AMPH: variants seen among roughly 807,000 people sequenced by gnomAD.
AMPH encodes amphiphysin (Stiff-Mann syndrome with breast cancer 128kD autoantigen).
In AMPH, 49 loss-of-function variants were observed where a neutral mutation model predicts 99.1. The ratio of observed to expected loss-of-function variants is 0.49; its 90% CI spans 0.39 to 0.63. The LOEUF is 0.63. Among genes scored for constraint, AMPH ranks in the 20% least tolerant of loss-of-function variants. The pLI is 0.00. For missense variants in AMPH, 759 were observed against 863.4 expected (o/e 0.88, Z 1.52); for synonymous variants, 314 against 317.3 (o/e 0.99, Z 0.11).
chr7:38,572,200 T>C (rs1006202619), intron 1 of AMPH, among the ~76,000 whole-genome samples: 1 of 152,170 alleles, frequency 6.6e-6, no homozygotes, highest in Non-Finnish European at 1.5e-5. Flanking sequence ...CCACCACACC[T>C]GGCCAGGTGT....
At chr7:38,516,791 G>A (rs1167855192) in intron 2 of AMPH, among the ~76,000 whole-genome samples, 2 of 152,322 alleles carry the variant, frequency 1.3e-5, no homozygotes, top group African/African-American at 4.8e-5. Context: ...GCCCTGCAGA[G>A]CCACAGAGGC....
intron 6 of AMPH, among the ~76,000 whole-genome samples, chr7:38,476,374 GTA>G (rs1663212621): frequency 6.6e-6 from 1 of 152,228 alleles, no homozygotes; most frequent in Non-Finnish European, 1.5e-5. Flanking sequence ...GAAGAAGAGG[GTA>G]TAGTTAGGAG....
chr7:38,441,354 A>G lies in AMPH; in HGVS notation c.1018-4966T>C, dbSNP rs138209880. Among the ~76,000 whole-genome samples the G allele has an allele frequency of 4.3e-3, 651 of 152,306 alleles. 4 individuals carry two copies. Among genetic ancestry groups the G allele is most frequent in the Middle Eastern group, 0.02 (6 of 294 alleles). The stretch of plus-strand genomic sequence containing the variant: ...AAATAAGCAATGGTATAAAAGATTT[A>G]GATAACACTGTGACTAAATTTGACC... On this transcript the variant is annotated intron_variant, in intron 11 of 20. Transcript: ENST00000356264.
chr7:38,429,203 C>A, intron 14 of AMPH: 1 of 1,289,326 alleles, frequency 7.8e-7, no homozygotes, highest in Non-Finnish European at 1.0e-6. Context: ...GTGGGTCATA[C>A]AGCTGCTCCA....
intron 20 of AMPH, among the ~76,000 whole-genome samples, chr7:38,389,525 C>T (rs1247106087): frequency 1.3e-5 from 2 of 152,142 alleles, no homozygotes; most frequent in Non-Finnish European, 2.9e-5. Context: ...GTCTGCATTT[C>T]CTGAAGACAG....
rs188993939 is a variant in AMPH, at chr7:38,417,741, A to C, written c.1398+84T>G. On this transcript the variant is annotated intron_variant, in intron 17 of 20. Transcript: ENST00000356264. ...AGCATGTTTGGCCCAAGTGAGGCAA[A>C]GATGAGAGCGATGCATATGGTCATG... is the stretch of plus-strand genomic sequence containing the variant. The C allele has an allele frequency of 7.9e-5, 122 of 1,536,062 alleles. 1 individual carries two copies. In the East Asian group the frequency reaches 2.3e-3, roughly 28 times the overall value.
chr7:38,565,424 G>A (rs1049431159), intron 1 of AMPH, among the ~76,000 whole-genome samples: 1 of 152,122 alleles, frequency 6.6e-6, no homozygotes, highest in African/African-American at 2.4e-5. Context: ...TGTTTCCTCA[G>A]GATGGTTTCT....
intron 17 of AMPH, among the ~76,000 whole-genome samples, chr7:38,404,813 G>C (rs1271682433): frequency 6.6e-6 from 1 of 152,120 alleles, no homozygotes; most frequent in Non-Finnish European, 1.5e-5. Context: ...AAGTTTTCCT[G>C]ATCTTGATAG....
chr7:38,591,095 C>T (rs899338888), intron 1 of AMPH, among the ~76,000 whole-genome samples: 5 of 151,974 alleles, frequency 3.3e-5, no homozygotes, highest in African/African-American at 9.7e-5. Context: ...CAGGAGAATG[C>T]GGTAAATATC....
At chr7:38,475,456 C>A (rs1284633924) in intron 6 of AMPH, 40 bp from the exon 7 acceptor site, 1 of 1,341,584 alleles carries the variant, frequency 7.5e-7, no homozygotes, top group East Asian at 2.3e-5. Context: ...CTAAGAAAGA[C>A]CATTTCTATA....
intron 1 of AMPH, among the ~76,000 whole-genome samples, chr7:38,586,206 A>T (rs1792639768): frequency 6.6e-6 from 1 of 152,130 alleles, no homozygotes; most frequent in Non-Finnish European, 1.5e-5. Flanking sequence ...TCCAACGAAC[A>T]CGTAAGTAAA....
chr7:38,397,363 A>G lies in AMPH; in HGVS notation c.1399-3149T>C, dbSNP rs1784700463. 2.6e-5 allele frequency among the ~76,000 whole-genome samples: 4 copies of G among 152,122 alleles called. No individual in the cohort carries two copies. In the South Asian group the frequency reaches 8.3e-4, roughly 31 times the overall value. The stretch of plus-strand genomic sequence containing the variant: ...CATACGAACATAATGTTTATTATTA[A>G]CCTGTAACTTGTCTCTAGATATCTA... On this transcript the variant is annotated intron_variant, in intron 17 of 20. Transcript: ENST00000356264.
At chr7:38,386,997 G>A (rs1215980073) in intron 20 of AMPH, among the ~76,000 whole-genome samples, 2 of 152,156 alleles carry the variant, frequency 1.3e-5, no homozygotes, top group Non-Finnish European at 2.9e-5. Context: ...TGGGGGATGG[G>A]TATCCTAACG....
chr7:38,608,552 A>C (rs2129064355), intron 1 of AMPH, among the ~76,000 whole-genome samples: 1 of 151,618 alleles, frequency 6.6e-6, no homozygotes. Flanking sequence ...CTCCCTGAAA[A>C]CCCTCAGACT....
chr7:38,491,853 A>G (rs1025839515), intron 4 of AMPH, among the ~76,000 whole-genome samples: 1 of 152,234 alleles, frequency 6.6e-6, no homozygotes, highest in Non-Finnish European at 1.5e-5. Context: ...ACTCAAAGCC[A>G]TGATATGAAA....
chr7:38,484,116 A>C (rs1264340984), intron 5 of AMPH, among the ~76,000 whole-genome samples: 1 of 152,118 alleles, frequency 6.6e-6, no homozygotes, highest in East Asian at 1.9e-4. Flanking sequence ...AGTTTAAGGG[A>C]TTTATGGGAC....
At chr7:38,599,693 T>C (rs1473903070) in intron 1 of AMPH, among the ~76,000 whole-genome samples, 1 of 152,170 alleles carries the variant, frequency 6.6e-6, no homozygotes, top group Admixed American at 6.5e-5. Flanking sequence ...TCTACATAAA[T>C]TGCTATGTTC....
Position 38,384,106 on chromosome 7 carries a change from T to A in AMPH, c.*712A>T, listed in dbSNP as rs1014320799. 6.6e-6 allele frequency: 1 copy of A among 152,366 alleles called. No individual in the cohort carries two copies. The highest frequency in any genetic ancestry group is 1.5e-5 in the Non-Finnish European group (1 of 68,124). The allele number at this position is 152,366 out of a possible 1,614,324, so 9.4% of individuals were successfully genotyped here. On this transcript the variant is annotated 3_prime_UTR_variant, in exon 21 of 21. Coordinates refer to ENST00000356264, the MANE Select transcript of AMPH (RefSeq NM_001635.4). ...CAGTACAAACACAGATACTGTTGAC[T>A]CTTTTGCCAATGGGATGGCTGGTTT...
chr7:38,414,165 T>C (rs1488194412), intron 17 of AMPH, among the ~76,000 whole-genome samples: 1 of 152,252 alleles, frequency 6.6e-6, no homozygotes, highest in African/African-American at 2.4e-5. Context: ...AAGATGAAGT[T>C]GATAGACTAT....
Sources: allele counts gnomAD v4.1 joint callset (sites outside exome capture counted in the v4.1 genomes callset), GRCh38; gene constraint gnomAD v4.1.1; transcripts MANE v1.5; gene names NCBI Gene and HGNC (gene_info 2026-07-23, HGNC 2026-07-21).